The following ZC3H12B variants were observed in gnomAD, a reference collection of about 807,000 sequenced individuals.
ZC3H12B encodes the protein zinc finger CCCH-type containing 12B.
ZC3H12B carries 7 observed loss-of-function variants against 43.9 expected under a neutral mutation model. That is an observed-to-expected ratio of 0.16 (90% confidence interval 0.09 to 0.30). The LOEUF is 0.30. Among genes scored for constraint, ZC3H12B ranks in the 10% least tolerant of loss-of-function variants. ZC3H12B has a pLI of 1.00. For missense variants in ZC3H12B, 475 were observed against 670.2 expected, an observed-to-expected ratio of 0.71 and a Z score of 3.22; for synonymous variants, 222 against 241.7, an observed-to-expected ratio of 0.92 and a Z score of 0.76.
chrX:65,318,183 AT>A, the ZC3H12B span, among the ~76,000 whole-genome samples: 890 of 96,747 alleles, frequency 9.2e-3, 2 homozygotes, highest in Middle Eastern at 0.026. Context: ...GCCAACATGT[AT>A]TTTTTTTTTT....
chrX:65,140,081 T>C, the ZC3H12B span, among the ~76,000 whole-genome samples: 1 of 111,262 alleles, frequency 9.0e-6, no homozygotes, highest in African/African-American at 3.3e-5. Context: ...ATGCTTTTTA[T>C]TTATTTTTCT....
chrX:65,090,451 G>A, the ZC3H12B span, among the ~76,000 whole-genome samples: 104 of 112,181 alleles, frequency 9.3e-4, 1 homozygote, highest in East Asian at 0.024. Flanking sequence ...TGATCACATT[G>A]ATTGCATCTA....
At chrX:65,310,864 T>A in the ZC3H12B span, among the ~76,000 whole-genome samples, 1 of 111,927 alleles carries the variant, frequency 8.9e-6, no homozygotes, top group Admixed American at 9.5e-5. Context: ...CCATCTGATC[T>A]TTGACAAACT....
chrX:65,500,748 T>G (rs916276216), intron 4 of ZC3H12B, among the ~76,000 whole-genome samples: 16 of 110,494 alleles, frequency 1.4e-4, no homozygotes, highest in Admixed American at 2.9e-4. Context: ...TTTTTGTTTT[T>G]TTTTTTTAAA....
At chrX:65,190,745 C>G in the ZC3H12B span, among the ~76,000 whole-genome samples, 1 of 107,946 alleles carries the variant, frequency 9.3e-6, no homozygotes, top group East Asian at 2.9e-4. Context: ...CATCTGCAAA[C>G]AGGGACAATT....
the ZC3H12B span, among the ~76,000 whole-genome samples, chrX:65,139,102 T>G: frequency 0.14 from 16,079 of 111,956 alleles, 2,751 homozygotes; most frequent in African/African-American, 0.49. Flanking sequence ...TGACATAGTT[T>G]CATTTGTCTA....
At chrX:65,042,108 A>C in the ZC3H12B span, among the ~76,000 whole-genome samples, 1 of 112,766 alleles carries the variant, frequency 8.9e-6, no homozygotes, top group African/African-American at 3.2e-5. Context: ...ATTTGCCTCT[A>C]TTGTGTAACT....
At chrX:65,192,254 G>A in the ZC3H12B span, among the ~76,000 whole-genome samples, 1 of 111,146 alleles carries the variant, frequency 9.0e-6, no homozygotes, top group Non-Finnish European at 1.9e-5. Context: ...GTGTGGTGTG[G>A]TGCTGAAAAA....
At chrX:65,389,328 G>A (rs1049931914) in intron 2 of ZC3H12B, among the ~76,000 whole-genome samples, 102 of 111,895 alleles carry the variant, frequency 9.1e-4, no homozygotes, top group East Asian at 3.7e-3. Context: ...CTCAAGCCTC[G>A]GCAATGGCAG....
At chrX:65,103,797 A>G in the ZC3H12B span, among the ~76,000 whole-genome samples, 1 of 111,777 alleles carries the variant, frequency 8.9e-6, no homozygotes, top group Admixed American at 9.5e-5. Context: ...AAAGCATTCC[A>G]TTTTCATGGA....
the ZC3H12B span, among the ~76,000 whole-genome samples, chrX:65,332,597 C>T: frequency 3.6e-5 from 4 of 111,162 alleles, no homozygotes; most frequent in Non-Finnish European, 5.7e-5. Context: ...GATACTGATC[C>T]GGATTTTTAT....
At chrX:65,346,922 C>CTTTT in the ZC3H12B span, among the ~76,000 whole-genome samples, 1 of 112,319 alleles carries the variant, frequency 8.9e-6, no homozygotes, top group African/African-American at 3.2e-5. Context: ...AAGAGAGCAG[C>CTTTT]GGACCTCCCA....
the ZC3H12B span, among the ~76,000 whole-genome samples, chrX:65,266,689 C>T: frequency 9.0e-6 from 1 of 111,332 alleles, no homozygotes; most frequent in African/African-American, 3.3e-5. Context: ...TTGCTACTGC[C>T]AGAGGGAGCA....
the ZC3H12B span, among the ~76,000 whole-genome samples, chrX:65,082,327 C>CA: frequency 9.0e-6 from 1 of 110,887 alleles, no homozygotes; most frequent in South Asian, 3.7e-4. Flanking sequence ...ACCTAAGAAA[C>CA]AAAAAGTTAC....
chrX:65,448,627 G>A lies in ZC3H12B; in HGVS notation n.408-40019G>A, dbSNP rs1047154422. The stretch of plus-strand genomic sequence containing the variant: ...AGGTCAGGATTTTAAGCCCAGCCTG[G>A]CCAACATGGTGAAACCCCATCTCTA... On this transcript the variant is annotated intron_variant and non_coding_transcript_variant, in intron 3 of 5. Transcript: ENST00000617377. Among the ~76,000 whole-genome samples, 8 of 110,734 alleles carry A rather than the reference G, an allele frequency of 7.2e-5. No individual in the cohort carries two copies. In the East Asian group the frequency reaches 1.1e-3, roughly 16 times the overall value.
chrX:65,285,900 A>T, the ZC3H12B span, among the ~76,000 whole-genome samples: 1 of 111,885 alleles, frequency 8.9e-6, no homozygotes, highest in Non-Finnish European at 1.9e-5. Flanking sequence ...AACCAAAAAT[A>T]TTAAGAATAT....
At position 65,371,247 on chromosome X, in the gene ZC3H12B, C is replaced by T. The variant is rs777606934; in HGVS notation, n.295+2249C>T. Among the ~76,000 whole-genome samples the T allele has an allele frequency of 1.7e-4, 19 of 112,128 alleles. 1 individual carries two copies. The South Asian group carries it at 7.0e-3, about 41-fold the overall frequency. ...GAGGTAGAATTAGCATAATCCTTTA[C>T]ATTTTCAAAGTATTTTAAATATCCA... On this transcript the variant is annotated intron_variant and non_coding_transcript_variant, in intron 2 of 5. Coordinates refer to the ZC3H12B transcript ENST00000617377.
intron 3 of ZC3H12B, among the ~76,000 whole-genome samples, chrX:65,467,196 C>T (rs993224415): frequency 6.5e-5 from 7 of 107,101 alleles, no homozygotes; most frequent in Non-Finnish European, 9.7e-5. Flanking sequence ...TGAGAAGATA[C>T]GATATTTGGT....
chrX:65,319,681 A>G, the ZC3H12B span, among the ~76,000 whole-genome samples: 1 of 111,354 alleles, frequency 9.0e-6, no homozygotes, highest in African/African-American at 3.3e-5. Flanking sequence ...TCAACAAAAT[A>G]CTAGTAAACC....
Sources: gnomAD v4.1 joint callset for allele counts (sites outside exome capture counted in the v4.1 genomes callset) on GRCh38, gnomAD v4.1.1 for gene constraint, MANE v1.5 for transcripts, NCBI Gene and HGNC (gene_info 2026-07-23, HGNC 2026-07-21) for gene names.